The following DSCAM variants were observed in gnomAD, a reference collection of about 807,000 sequenced individuals.
The protein encoded by DSCAM is cell adhesion molecule DSCAM.
DSCAM carries 47 observed loss-of-function variants against 217.7 expected under a neutral mutation model. The observed-to-expected ratio is 0.22, with a 90% CI of 0.17 to 0.28. The LOEUF is 0.28. Ranked by LOEUF, DSCAM falls within the 10% of genes least tolerant of loss-of-function variation. The pLI is 1.00. For synonymous variants in DSCAM, 1,056 were observed against 1,015.3 expected (o/e 1.04, Z -0.76); for missense variants, 2,080 against 2,618.3 (o/e 0.79, Z 4.49).
intron 3 of DSCAM, among the ~76,000 whole-genome samples, chr21:40,578,260 G>A (rs1487369671): frequency 6.6e-6 from 1 of 152,126 alleles, no homozygotes. Context: ...ACAAGTTCAA[G>A]GATGTTCACT....
intron 14 of DSCAM, among the ~76,000 whole-genome samples, chr21:40,180,548 C>G (rs991217291): frequency 3.3e-5 from 5 of 152,076 alleles, no homozygotes; most frequent in African/African-American, 1.2e-4. Context: ...AAACGGCACA[C>G]ACCTATGAGG....
chr21:40,139,851 A>G, intron 18 of DSCAM, among the ~76,000 whole-genome samples: 1 of 141,152 alleles, frequency 7.1e-6, no homozygotes, highest in African/African-American at 2.7e-5. Flanking sequence ...TGTGTGGTGT[A>G]TGTGGGGTGT....
In DSCAM at chr21:40,508,480, A is replaced by G. The variant is rs535595912; in HGVS notation, c.509-139235T>C. Among the ~76,000 whole-genome samples the G allele has an allele frequency of 3.3e-5, 5 of 152,182 alleles. No homozygotes were observed. In the South Asian group the frequency reaches 1.0e-3, roughly 32 times the overall value. ...AAAGATCCCAAGCATAGGTTAATTG[A>G]AATCAAATTAAAAATGTTAACTAAA... On this transcript the variant is annotated intron_variant, in intron 3 of 32. Transcript: ENST00000400454.
At chr21:40,414,047 C>A (rs534431022) in intron 3 of DSCAM, among the ~76,000 whole-genome samples, 7 of 152,094 alleles carry the variant, frequency 4.6e-5, no homozygotes, top group Non-Finnish European at 7.4e-5. Context: ...TTTAAGAAAA[C>A]GGAAGTGACC....
chr21:40,551,408 G>A (rs1399585019), intron 3 of DSCAM, among the ~76,000 whole-genome samples: 1 of 152,208 alleles, frequency 6.6e-6, no homozygotes, highest in African/African-American at 2.4e-5. Context: ...TCTGGATTAA[G>A]ATAAGGGGTT....
chr21:40,286,334 G>T (rs1468044721), intron 10 of DSCAM, among the ~76,000 whole-genome samples: 1 of 152,156 alleles, frequency 6.6e-6, no homozygotes, highest in Non-Finnish European at 1.5e-5. Flanking sequence ...GTCAGAGTGA[G>T]TGGCAGCAAG....
intron 21 of DSCAM, 118 bp downstream of exon 21, chr21:40,093,603 A>C (rs2089638286): frequency 1.9e-5 from 24 of 1,247,794 alleles, no homozygotes; most frequent in Non-Finnish European, 2.7e-5. Context: ...TTGAGCTAAA[A>C]TGTGATATTC....
chr21:40,577,314 G>A (rs1174479900), intron 3 of DSCAM, among the ~76,000 whole-genome samples: 1 of 150,672 alleles, frequency 6.6e-6, no homozygotes, highest in Non-Finnish European at 1.5e-5. Context: ...CCAGAACAAA[G>A]TCAAATCTGA....
chr21:40,710,963 TA>T (rs1448238955), intron 1 of DSCAM, among the ~76,000 whole-genome samples: 1 of 150,648 alleles, frequency 6.6e-6, no homozygotes, highest in Non-Finnish European at 1.5e-5. Flanking sequence ...CTCCGCTAGG[TA>T]AACAAAGGCT....
chr21:40,561,979 C>CA (rs2076723880), intron 3 of DSCAM, among the ~76,000 whole-genome samples: 1 of 152,230 alleles, frequency 6.6e-6, no homozygotes, highest in Non-Finnish European at 1.5e-5. Flanking sequence ...GTGACATTTT[C>CA]AAACACTAAA....
intron 20 of DSCAM, among the ~76,000 whole-genome samples, chr21:40,096,455 A>G (rs2089678847): frequency 6.6e-6 from 1 of 152,198 alleles, no homozygotes; most frequent in Non-Finnish European, 1.5e-5. Flanking sequence ...CCTGTCTCAG[A>G]TATTTGAGGT....
intron 1 of DSCAM, among the ~76,000 whole-genome samples, chr21:40,846,345 T>C (rs1252805369): frequency 6.6e-6 from 1 of 152,112 alleles, no homozygotes; most frequent in East Asian, 1.9e-4. Flanking sequence ...GGCAGCTCTC[T>C]AGTACTGGAG....
chr21:40,833,730 A>C (rs1475818714), intron 1 of DSCAM, among the ~76,000 whole-genome samples: 1 of 152,106 alleles, frequency 6.6e-6, no homozygotes, highest in Non-Finnish European at 1.5e-5. Flanking sequence ...GATTCATGAC[A>C]TTTTCCTTCC....
At chr21:40,109,456 T>C (rs1401773426) in intron 20 of DSCAM, among the ~76,000 whole-genome samples, 1 of 152,144 alleles carries the variant, frequency 6.6e-6, no homozygotes, top group Non-Finnish European at 1.5e-5. Context: ...GATGGCGGAA[T>C]AGGAACAGCT....
chr21:40,131,615 G>A (rs1352622804), intron 19 of DSCAM, among the ~76,000 whole-genome samples: 2 of 152,116 alleles, frequency 1.3e-5, no homozygotes, highest in Non-Finnish European at 2.9e-5. Context: ...AGTAGAGACA[G>A]GGTTTCACCA....
At chr21:40,845,588 G>GCTCTCTCTCCCTCCTCTCTTTCTCTCT (rs1259734143) in intron 1 of DSCAM, among the ~76,000 whole-genome samples, 6 of 104,888 alleles carry the variant, frequency 5.7e-5, no homozygotes, top group Non-Finnish European at 1.2e-4. Flanking sequence ...TGTCTGTCTC[G>GCTCTCTCTCCCTCCTCTCTTTCTCTCT]CTCTCTCTCC....
intron 29 of DSCAM, among the ~76,000 whole-genome samples, chr21:40,054,394 G>A (rs946358069): frequency 6.6e-6 from 1 of 152,194 alleles, no homozygotes; most frequent in African/African-American, 2.4e-5. Flanking sequence ...GGAGAACCCA[G>A]GCCTTAGAAT....
At chr21:40,021,224 AAAG>A (rs1271932518) in intron 32 of DSCAM, among the ~76,000 whole-genome samples, 2 of 151,592 alleles carry the variant, frequency 1.3e-5, no homozygotes, top group African/African-American at 2.4e-5. Flanking sequence ...AAAAAAAAAA[AAAG>A]AAAAGAAACA....
intron 5 of DSCAM, among the ~76,000 whole-genome samples, chr21:40,351,540 G>T: frequency 6.6e-6 from 1 of 152,170 alleles, no homozygotes; most frequent in African/African-American, 2.4e-5. Context: ...ATGAAACAGA[G>T]CCTAAGGAAA....
Sources: allele counts gnomAD v4.1 joint callset (sites outside exome capture counted in the v4.1 genomes callset), GRCh38; gene constraint gnomAD v4.1.1; transcripts MANE v1.5; gene names NCBI Gene and HGNC (gene_info 2026-07-23, HGNC 2026-07-21).